KBTBD12: variants seen among roughly 807,000 people sequenced by gnomAD.
The protein encoded by KBTBD12 is kelch repeat and BTB domain-containing protein 12.
Under a neutral mutation model 58.7 loss-of-function variants are expected in KBTBD12, and 53 were observed. The observed-to-expected ratio is 0.90, with a 90% CI of 0.72 to 1.14. The LOEUF is 1.14. Among genes scored for constraint, KBTBD12 ranks in the 50% most tolerant of loss-of-function variants. The probability of loss-of-function intolerance (pLI) is 0.00; values close to 1 mark genes in which losing one functional copy is unlikely to be tolerated. For synonymous variants in KBTBD12, 236 were observed against 259.8 expected (o/e 0.91, Z 0.88); for missense variants, 704 against 751.3 (o/e 0.94, Z 0.74).
intron 2 of KBTBD12, 68 bp from the exon 3 acceptor site, chr3:127,927,696 A>C: frequency 1.8e-6 from 2 of 1,129,904 alleles, no homozygotes; most frequent in East Asian, 5.0e-5. Context: ...AAAATAAATA[A>C]GTGTATTTCT....
At chr3:127,962,292 A>G (rs1216018532) in intron 4 of KBTBD12, among the ~76,000 whole-genome samples, 1 of 152,238 alleles carries the variant, frequency 6.6e-6, no homozygotes, top group Admixed American at 6.5e-5. Flanking sequence ...GGAGGGGAAA[A>G]TAAAAGCAGT....
At chr3:127,960,343 C>T (rs1205176104) in intron 4 of KBTBD12, among the ~76,000 whole-genome samples, 2 of 152,166 alleles carry the variant, frequency 1.3e-5, no homozygotes, top group Non-Finnish European at 2.9e-5. Flanking sequence ...TTCCACTACG[C>T]ACACACCAAA....
At chr3:127,917,216 A>C (rs1041550190) in intron 1 of KBTBD12, among the ~76,000 whole-genome samples, 21 of 152,218 alleles carry the variant, frequency 1.4e-4, no homozygotes, top group Non-Finnish European at 2.5e-4. Context: ...TAGTCCCAGC[A>C]TCCAGAGCTT....
chr3:127,965,706 T>C (rs918888818), intron 5 of KBTBD12, among the ~76,000 whole-genome samples: 2 of 152,238 alleles, frequency 1.3e-5, no homozygotes, highest in African/African-American at 4.8e-5. Flanking sequence ...ATAAACATAG[T>C]AATTTGTTTT....
intron 5 of KBTBD12, among the ~76,000 whole-genome samples, chr3:127,979,781 CA>C (rs1359958030): frequency 1.3e-5 from 2 of 152,184 alleles, no homozygotes; most frequent in East Asian, 1.9e-4. Flanking sequence ...CTCTGCCAAG[CA>C]AACAAAATGT....
chr3:127,938,478 G>T (rs1939874132), intron 4 of KBTBD12, among the ~76,000 whole-genome samples: 1 of 152,054 alleles, frequency 6.6e-6, no homozygotes, highest in Non-Finnish European at 1.5e-5. Flanking sequence ...TAGAGTTAAA[G>T]ATCAGTGCAA....
intron 2 of KBTBD12, among the ~76,000 whole-genome samples, chr3:127,926,364 T>G (rs1939567609): frequency 1.3e-5 from 2 of 152,216 alleles, no homozygotes; most frequent in South Asian, 4.1e-4. Flanking sequence ...TCAGTTGGCT[T>G]TACTTTGGTA....
intron 5 of KBTBD12, 106 bp downstream of exon 5, chr3:127,963,492 C>T: frequency 9.2e-7 from 1 of 1,089,220 alleles, no homozygotes; most frequent in East Asian, 2.6e-5. Context: ...GTGAGCACTG[C>T]AAAAGCATGG....
Position 127,984,238 on chromosome 3 carries a change from C to T in KBTBD12, c.1832C>T (p.Pro611Leu). The T allele has an allele frequency of 6.2e-7, 1 of 1,613,928 alleles. No individual in the cohort carries two copies. Among genetic ancestry groups the T allele is most frequent in the Non-Finnish European group, 8.5e-7 (1 of 1,179,878 alleles). ...VARMNPRDLI[P>L]PPSDLVEEGN... The stretch of plus-strand genomic sequence containing the variant: ...AGGATGAATCCCCGAGACCTCATCC[C>T]CCCGCCTTCAGATTTGGTGGAAGAA... The change falls in exon 6 of 6, where the codon CCC (proline) becomes CTC (leucine). Residue 611 changes from proline to leucine, a missense_variant. Physicochemically the swap from Pro to Leu is moderately conservative, Grantham distance 98 (BLOSUM62 -3). Transcript: ENST00000405109.
intron 4 of KBTBD12, among the ~76,000 whole-genome samples, chr3:127,962,633 T>A (rs891985711): frequency 6.6e-6 from 1 of 152,216 alleles, no homozygotes; most frequent in Non-Finnish European, 1.5e-5. Context: ...ATGAACTATA[T>A]CATCCAAAAC....
intron 1 of KBTBD12, among the ~76,000 whole-genome samples, chr3:127,916,324 C>T (rs1178792446): frequency 1.3e-5 from 2 of 152,166 alleles, no homozygotes; most frequent in African/African-American, 4.8e-5. Flanking sequence ...CGTGTGTTCT[C>T]AGCCATTTCC....
chr3:127,971,702 C>T (rs1442659685), intron 5 of KBTBD12, among the ~76,000 whole-genome samples: 2 of 152,208 alleles, frequency 1.3e-5, no homozygotes, highest in Non-Finnish European at 2.9e-5. Flanking sequence ...CAACTCTATA[C>T]TGGCTGCCAG....
At chr3:127,977,613 C>T (rs144545458) in intron 5 of KBTBD12, among the ~76,000 whole-genome samples, 12 of 152,236 alleles carry the variant, frequency 7.9e-5, no homozygotes, top group Non-Finnish European at 1.5e-4. Flanking sequence ...TGCTTGTTGG[C>T]CGTGTGTATG....
chr3:127,925,858 A>C (rs760214951), intron 2 of KBTBD12, among the ~76,000 whole-genome samples: 1 of 152,198 alleles, frequency 6.6e-6, no homozygotes, highest in Non-Finnish European at 1.5e-5. Context: ...TGTGATATGC[A>C]TAAGAAATTT....
At chr3:127,941,693 C>T (rs1006769977) in intron 4 of KBTBD12, among the ~76,000 whole-genome samples, 11 of 152,244 alleles carry the variant, frequency 7.2e-5, no homozygotes, top group East Asian at 3.9e-4. Flanking sequence ...CGGAATCTTT[C>T]GGGTTCAAGC....
chr3:127,975,664 C>A (rs985528644), intron 5 of KBTBD12, among the ~76,000 whole-genome samples: 33 of 152,196 alleles, frequency 2.2e-4, no homozygotes, highest in African/African-American at 7.7e-4. Context: ...AGCTGACATG[C>A]AGATCTGTAG....
At chr3:127,971,362 T>G (rs749335279) in intron 5 of KBTBD12, among the ~76,000 whole-genome samples, 1 of 152,104 alleles carries the variant, frequency 6.6e-6, no homozygotes, top group Non-Finnish European at 1.5e-5. Flanking sequence ...CACTCTCATG[T>G]TTTCTAGCTC....
rs764517430 is a variant in KBTBD12, at chr3:127,930,139, C to A, written c.1348C>A (p.Leu450Ile). Residue 450 changes from leucine (L) to isoleucine (I), a missense_variant, in exon 4 of 6, where the codon CTT becomes ATT. Coordinates refer to ENST00000405109, the MANE Select transcript of KBTBD12 (RefSeq NM_207335.4). ...VIGGWTPQMD[L>I]PDEEPDRLSN... ...GCTGTCATATTTCATACAGATGGAT[C>A]TTCCTGATGAAGAACCTGATCGATT... 6.3e-7 allele frequency: 1 copy of A among 1,582,864 alleles called. No homozygotes were observed. Among genetic ancestry groups the A allele is most frequent in the Non-Finnish European group, 8.6e-7 (1 of 1,162,832 alleles).
chr3:127,968,150 C>T (rs1940614862), intron 5 of KBTBD12, among the ~76,000 whole-genome samples: 1 of 152,192 alleles, frequency 6.6e-6, no homozygotes, highest in Non-Finnish European at 1.5e-5. Flanking sequence ...GCTACTATTG[C>T]TATAACACTG....
Sources: gnomAD v4.1 joint callset for allele counts (sites outside exome capture counted in the v4.1 genomes callset) on GRCh38, gnomAD v4.1.1 for gene constraint, MANE v1.5 for transcripts, NCBI Gene and HGNC (gene_info 2026-07-23, HGNC 2026-07-21) for gene names.